Variants in TNFSF4 observed in about 807,000 individuals in gnomAD.
The protein encoded by TNFSF4 is tumor necrosis factor ligand superfamily member 4.
A neutral mutation model predicts 7.3 loss-of-function variants in TNFSF4; 4 were observed. That is an observed-to-expected ratio of 0.55 (90% CI 0.27 to 1.25). The LOEUF is 1.25. TNFSF4 is among the 50% of genes most tolerant of loss of function. The pLI is 0.12. For synonymous variants in TNFSF4, 76 were observed against 83.7 expected, an observed-to-expected ratio of 0.91 and a Z score of 0.50; for missense variants, 181 against 208.8, an observed-to-expected ratio of 0.87 and a Z score of 0.82.
At chr1:173,337,284 C>T in the TNFSF4 span, among the ~76,000 whole-genome samples, 3 of 152,120 alleles carry the variant, frequency 2.0e-5, no homozygotes, top group African/African-American at 7.2e-5. Context: ...TAATTATGGG[C>T]CACCAAGTTA....
At chr1:173,266,323 A>G in the TNFSF4 span, among the ~76,000 whole-genome samples, 1 of 152,000 alleles carries the variant, frequency 6.6e-6, no homozygotes, top group Admixed American at 6.6e-5. Context: ...GGGTATGCAT[A>G]TATATATATA....
At chr1:173,312,150 T>C in the TNFSF4 span, among the ~76,000 whole-genome samples, 1 of 152,060 alleles carries the variant, frequency 6.6e-6, no homozygotes, top group East Asian at 1.9e-4. Flanking sequence ...AATTCTAAGG[T>C]TTTTCCTGTA....
At chr1:173,212,549 AG>A in the TNFSF4 span, among the ~76,000 whole-genome samples, 1 of 149,150 alleles carries the variant, frequency 6.7e-6, no homozygotes, top group African/African-American at 2.5e-5. Context: ...CACGGGGAGG[AG>A]GGAGGAGGTG....
chr1:173,359,085 T>C, the TNFSF4 span, among the ~76,000 whole-genome samples: 8 of 152,222 alleles, frequency 5.3e-5, no homozygotes, highest in African/African-American at 1.2e-4. Context: ...CAGGATAAAA[T>C]TGATTATCCC....
At chr1:173,290,329 T>C in the TNFSF4 span, among the ~76,000 whole-genome samples, 2 of 152,172 alleles carry the variant, frequency 1.3e-5, no homozygotes, top group African/African-American at 4.8e-5. Flanking sequence ...CCCGACTATC[T>C]ACTGTCTTCA....
the TNFSF4 span, among the ~76,000 whole-genome samples, chr1:173,242,234 T>G: frequency 6.6e-6 from 1 of 152,158 alleles, no homozygotes; most frequent in Non-Finnish European, 1.5e-5. Context: ...CTCACTCTCC[T>G]TTTAAAATGA....
At chr1:173,262,983 A>G in the TNFSF4 span, among the ~76,000 whole-genome samples, 2 of 152,172 alleles carry the variant, frequency 1.3e-5, no homozygotes, top group African/African-American at 2.4e-5. Context: ...ACCCATTCCT[A>G]TACACCAACA....
chr1:173,260,089 G>C, the TNFSF4 span, among the ~76,000 whole-genome samples: 1 of 152,096 alleles, frequency 6.6e-6, no homozygotes, highest in African/African-American at 2.4e-5. Context: ...GGCAGCCAGA[G>C]AGAAAGGACA....
the TNFSF4 span, among the ~76,000 whole-genome samples, chr1:173,270,691 C>T: frequency 1.3e-5 from 2 of 151,988 alleles, no homozygotes; most frequent in African/African-American, 2.4e-5. Context: ...GTGGTTAAAG[C>T]AAACAAGCAA....
the TNFSF4 span, among the ~76,000 whole-genome samples, chr1:173,359,994 G>A: frequency 6.6e-6 from 1 of 152,254 alleles, no homozygotes; most frequent in Admixed American, 6.5e-5. Context: ...ACATTGGTCA[G>A]ATTATATGAC....
chr1:173,188,476 AT>A, intron 2 of TNFSF4, 44 bp downstream of exon 2: 1 of 1,444,582 alleles, frequency 6.9e-7, no homozygotes, highest in Non-Finnish European at 9.7e-7. Context: ...TGAAGAGAAG[AT>A]TCTTTCAAAA....
the TNFSF4 span, among the ~76,000 whole-genome samples, chr1:173,327,432 C>T: frequency 1.3e-5 from 2 of 151,758 alleles, no homozygotes; most frequent in Non-Finnish European, 2.9e-5. Flanking sequence ...CCATTCAGGA[C>T]ATAGGCATGG....
chr1:173,187,164 G>A (rs184755231), intron 2 of TNFSF4, among the ~76,000 whole-genome samples: 2 of 152,296 alleles, frequency 1.3e-5, no homozygotes, highest in Admixed American at 6.5e-5. Flanking sequence ...TAACACTAAT[G>A]CCCAACAGAG....
At chr1:173,327,591 C>T in the TNFSF4 span, among the ~76,000 whole-genome samples, 14 of 151,438 alleles carry the variant, frequency 9.2e-5, no homozygotes, top group East Asian at 3.9e-4. Context: ...AGAAAATTTT[C>T]GCAACCTACT....
the TNFSF4 span, among the ~76,000 whole-genome samples, chr1:173,218,362 G>A: frequency 1.3e-5 from 2 of 152,160 alleles, no homozygotes; most frequent in Admixed American, 6.5e-5. Flanking sequence ...CCCCTCCACG[G>A]GTACTAGAAA....
At chr1:173,413,837 C>T in the TNFSF4 span, among the ~76,000 whole-genome samples, 2 of 152,186 alleles carry the variant, frequency 1.3e-5, no homozygotes, top group African/African-American at 4.8e-5. Flanking sequence ...ACCAGGAATC[C>T]TAACTGATAA....
At chr1:173,261,018 C>T in the TNFSF4 span, among the ~76,000 whole-genome samples, 9 of 152,144 alleles carry the variant, frequency 5.9e-5, no homozygotes, top group African/African-American at 1.7e-4. Context: ...CTCTCCACCC[C>T]AGAACAACAG....
chr1:173,287,128 G>A, the TNFSF4 span, among the ~76,000 whole-genome samples: 2 of 151,990 alleles, frequency 1.3e-5, no homozygotes, highest in Non-Finnish European at 2.9e-5. Flanking sequence ...GACCAGGCTG[G>A]GCAACACAGC....
At chr1:173,364,375 G>T in the TNFSF4 span, among the ~76,000 whole-genome samples, 2 of 128,360 alleles carry the variant, frequency 1.6e-5, no homozygotes, top group South Asian at 2.6e-4. Flanking sequence ...ATATTGGGGT[G>T]TATGTGTATA....
Sources: gnomAD v4.1 joint callset for allele counts (sites outside exome capture counted in the v4.1 genomes callset) on GRCh38, gnomAD v4.1.1 for gene constraint, MANE v1.5 for transcripts, NCBI Gene and HGNC (gene_info 2026-07-23, HGNC 2026-07-21) for gene names.